OPCML: variants seen among roughly 807,000 people sequenced by gnomAD.
OPCML encodes the protein opioid-binding protein/cell adhesion molecule.
A neutral mutation model predicts 37.8 loss-of-function variants in OPCML; 13 were observed. The ratio of observed to expected loss-of-function variants is 0.34; its 90% confidence interval spans 0.22 to 0.55. The LOEUF is 0.55. Ranked by LOEUF, OPCML falls within the 20% of genes least tolerant of loss-of-function variation. The pLI is 0.91. For missense variants in OPCML, 341 were observed against 435.6 expected (o/e 0.78, Z 1.93); for synonymous variants, 176 against 168.8 (o/e 1.04, Z -0.33).
At chr11:133,134,938 T>G (rs984649259) in intron 1 of OPCML, among the ~76,000 whole-genome samples, 2 of 152,162 alleles carry the variant, frequency 1.3e-5, no homozygotes, top group Non-Finnish European at 2.9e-5. Flanking sequence ...TCCCAGACTC[T>G]CCTCCTCTTC....
intron 2 of OPCML, among the ~76,000 whole-genome samples, chr11:132,709,065 C>A (rs1944155195): frequency 6.6e-6 from 1 of 152,140 alleles, no homozygotes; most frequent in Admixed American, 6.5e-5. Context: ...TGTCATTTCT[C>A]TTCTCTGGAA....
intron 2 of OPCML, among the ~76,000 whole-genome samples, chr11:132,672,816 T>A (rs1591706278): frequency 6.6e-6 from 1 of 152,158 alleles, no homozygotes; most frequent in East Asian, 1.9e-4. Flanking sequence ...CTTCACTGCT[T>A]CCTACTTGAT....
intron 2 of OPCML, among the ~76,000 whole-genome samples, chr11:132,659,681 A>C (rs939629951): frequency 1.3e-5 from 2 of 151,736 alleles, no homozygotes; most frequent in Non-Finnish European, 2.9e-5. Context: ...CACATTTAAA[A>C]ATTTTTTTAA....
At chr11:133,247,564 C>CTTTCTTTCTTTCTTTCTTTCT in intron 1 of OPCML, among the ~76,000 whole-genome samples, 1 of 143,630 alleles carries the variant, frequency 7.0e-6, no homozygotes, top group East Asian at 2.1e-4. Context: ...TTCTTTCTTT[C>CTTTCTTTCTTTCTTTCTTTCT]TTTCTTTCTT....
At chr11:133,413,344 G>C (rs956889753) in intron 1 of OPCML, among the ~76,000 whole-genome samples, 19 of 151,328 alleles carry the variant, frequency 1.3e-4, no homozygotes, top group Admixed American at 4.0e-4. Flanking sequence ...AGGGGGGAGG[G>C]GGAGGGATAG....
At chr11:132,588,718 C>T (rs2096478461) in intron 3 of OPCML, among the ~76,000 whole-genome samples, 1 of 152,128 alleles carries the variant, frequency 6.6e-6, no homozygotes, top group Non-Finnish European at 1.5e-5. Flanking sequence ...GGAGAGAATC[C>T]ATGGCCAGTG....
At chr11:133,169,073 G>A (rs1044021726) in intron 1 of OPCML, among the ~76,000 whole-genome samples, 8 of 152,198 alleles carry the variant, frequency 5.3e-5, no homozygotes, top group African/African-American at 1.7e-4. Flanking sequence ...GAGGTTGCAT[G>A]AGCCGAGATC....
intron 2 of OPCML, among the ~76,000 whole-genome samples, chr11:132,748,138 G>T (rs373796772): frequency 1.3e-5 from 2 of 150,312 alleles, no homozygotes; most frequent in African/African-American, 2.5e-5. Context: ...TGATTCTTCC[G>T]AAAAGTTATC....
chr11:132,806,417 A>G (rs567879561), intron 2 of OPCML, among the ~76,000 whole-genome samples: 1 of 152,288 alleles, frequency 6.6e-6, no homozygotes, highest in African/African-American at 2.4e-5. Flanking sequence ...ATGAGAGAAG[A>G]TATAACATGC....
At chr11:132,687,984 C>T (rs1188450544) in intron 2 of OPCML, among the ~76,000 whole-genome samples, 2 of 152,132 alleles carry the variant, frequency 1.3e-5, no homozygotes, top group South Asian at 2.1e-4. Flanking sequence ...GGATAACTTG[C>T]TTTGCCATTC....
At position 133,474,285 on chromosome 11, in the gene OPCML, G is replaced by A. The variant is rs115545611; in HGVS notation, c.61+57979C>T. Among the ~76,000 whole-genome samples, 1,007 of 152,282 alleles carry A rather than the reference G, an allele frequency of 6.6e-3. 10 individuals are homozygous for A. The highest frequency in any genetic ancestry group is 0.023 in the African/African-American group (956 of 41,556). On this transcript the variant is annotated intron_variant, in intron 1 of 7. Coordinates refer to ENST00000524381, the MANE Select transcript of OPCML (RefSeq NM_001012393.5). ...GCTATAAAGGACCAGAGCCCAGATA[G>A]GAAAGTAGATGGACTCTTTGTAACA...
chr11:132,764,055 GA>G (rs1443399374), intron 2 of OPCML, among the ~76,000 whole-genome samples: 15 of 152,346 alleles, frequency 9.8e-5, no homozygotes, highest in African/African-American at 3.6e-4. Flanking sequence ...TGAGTATGTT[GA>G]GATGTTCTTT....
chr11:133,123,700 C>A (rs1565458801), intron 1 of OPCML, among the ~76,000 whole-genome samples: 1 of 151,918 alleles, frequency 6.6e-6, no homozygotes. Context: ...AACCATATGC[C>A]AAAAGGTCAC....
intron 1 of OPCML, among the ~76,000 whole-genome samples, chr11:133,493,429 T>C (rs551870987): frequency 2.0e-5 from 3 of 152,366 alleles, no homozygotes; most frequent in East Asian, 1.9e-4. Context: ...CATGGGTGCA[T>C]AGCCTTCCCC....
intron 2 of OPCML, among the ~76,000 whole-genome samples, chr11:132,662,505 A>C (rs916087632): frequency 6.6e-6 from 1 of 152,210 alleles, no homozygotes; most frequent in African/African-American, 2.4e-5. Flanking sequence ...CTGAGAACAC[A>C]GTAGGAACAG....
intron 1 of OPCML, among the ~76,000 whole-genome samples, chr11:133,256,225 T>A (rs1381314208): frequency 2.0e-5 from 3 of 152,238 alleles, no homozygotes; most frequent in African/African-American, 7.2e-5. Flanking sequence ...GGGCAAGGAT[T>A]GATGAACCCA....
In OPCML at chr11:133,347,850, C is replaced by T. The variant is rs572560745; in HGVS notation, c.61+184414G>A. ...ACAAGAAAGAATGATCCTGAAATTG[C>T]CTGAATTTTATAATCCCAGTACATG... On this transcript the variant is annotated intron_variant, in intron 1 of 7. Transcript: ENST00000524381. 2.6e-5 allele frequency among the ~76,000 whole-genome samples: 4 copies of T among 152,132 alleles called. No homozygotes were observed. In the East Asian group the frequency reaches 7.8e-4, roughly 30 times the overall value.
chr11:132,563,940 T>G (rs972621321), intron 3 of OPCML, among the ~76,000 whole-genome samples: 1 of 152,172 alleles, frequency 6.6e-6, no homozygotes, highest in Non-Finnish European at 1.5e-5. Context: ...TGATTCCAGA[T>G]AGCCATGCCC....
In OPCML at chr11:133,485,108, C is replaced by T. The variant is rs1328519826; in HGVS notation, c.61+47156G>A. On this transcript the variant is annotated intron_variant, in intron 1 of 7. Coordinates refer to ENST00000524381, the MANE Select transcript of OPCML (RefSeq NM_001012393.5). ...GAAGAAAAAGAGAAACATCTATTGTCATCGAAAAACAACATAGTTATCTTT... is the reference window on the plus strand; with the variant it reads ...GAAGAAAAAGAGAAACATCTATTGTTATCGAAAAACAACATAGTTATCTTT... Among the ~76,000 whole-genome samples the T allele has an allele frequency of 2.0e-5, 3 of 152,138 alleles. No individual in the cohort carries two copies. In the South Asian group the frequency reaches 6.2e-4, roughly 32 times the overall value.
Sources: allele counts gnomAD v4.1 joint callset (sites outside exome capture counted in the v4.1 genomes callset), GRCh38; gene constraint gnomAD v4.1.1; transcripts MANE v1.5; gene names NCBI Gene and HGNC (gene_info 2026-07-23, HGNC 2026-07-21).